The following ROBO1 variants were observed in gnomAD, a reference collection of about 807,000 sequenced individuals.
ROBO1 encodes the protein roundabout homolog 1.
Under a neutral mutation model 195.9 loss-of-function variants are expected in ROBO1, and 149 were observed. The observed-to-expected ratio is 0.76, with a 90% CI of 0.67 to 0.87. The LOEUF is 0.87. Ranked by LOEUF, ROBO1 falls within the 40% of genes least tolerant of loss-of-function variation. The pLI is 0.00. For synonymous variants in ROBO1, 816 were observed against 733.2 expected (o/e 1.11, Z -1.82); for missense variants, 1,933 against 2,068.3 (o/e 0.93, Z 1.27).
At chr3:79,760,008 G>A (rs546708725) in intron 1 of ROBO1, among the ~76,000 whole-genome samples, 2 of 152,070 alleles carry the variant, frequency 1.3e-5, no homozygotes, top group South Asian at 4.2e-4. Flanking sequence ...AGGTTGAGGT[G>A]GGTGGATCAC....
At chr3:78,605,454 C>T (rs1265138528) in intron 29 of ROBO1, among the ~76,000 whole-genome samples, 2 of 152,178 alleles carry the variant, frequency 1.3e-5, no homozygotes, top group Non-Finnish European at 2.9e-5. Context: ...AGTATTCATA[C>T]AACAGAAGTA....
At chr3:79,274,208 T>C (rs2030821212) in intron 2 of ROBO1, among the ~76,000 whole-genome samples, 1 of 151,982 alleles carries the variant, frequency 6.6e-6, no homozygotes, top group Admixed American at 6.6e-5. Context: ...AGCTACAGAA[T>C]ACACATTGAT....
At chr3:79,077,120 G>C (rs972665956) in intron 3 of ROBO1, among the ~76,000 whole-genome samples, 2 of 151,832 alleles carry the variant, frequency 1.3e-5, no homozygotes, top group Admixed American at 6.6e-5. Flanking sequence ...CACTCATGCT[G>C]TACGTGAGAT....
chr3:79,514,548 G>A (rs976442033), intron 2 of ROBO1, among the ~76,000 whole-genome samples: 1 of 151,958 alleles, frequency 6.6e-6, no homozygotes, highest in African/African-American at 2.4e-5. Context: ...AAAATAATCT[G>A]TACTGGTCCT....
At chr3:78,870,182 C>T (rs576408454) in intron 4 of ROBO1, among the ~76,000 whole-genome samples, 5 of 152,248 alleles carry the variant, frequency 3.3e-5, no homozygotes, top group African/African-American at 9.6e-5. Flanking sequence ...AATCTGTATA[C>T]CACCTTTGTC....
intron 1 of ROBO1, among the ~76,000 whole-genome samples, chr3:79,671,728 T>C (rs1946637312): frequency 6.6e-6 from 1 of 151,934 alleles, no homozygotes; most frequent in Non-Finnish European, 1.5e-5. Context: ...ATTTATTGTA[T>C]TGTCGGTATT....
At chr3:79,061,257 A>T (rs1005061026) in intron 3 of ROBO1, among the ~76,000 whole-genome samples, 2 of 152,110 alleles carry the variant, frequency 1.3e-5, no homozygotes, top group African/African-American at 4.8e-5. Context: ...CACAATTACT[A>T]CAAAGAGAAT....
chr3:79,725,325 C>G (rs1471975436), intron 1 of ROBO1, among the ~76,000 whole-genome samples: 12 of 143,352 alleles, frequency 8.4e-5, no homozygotes, highest in African/African-American at 2.8e-4. Flanking sequence ...CTCCCGGGTT[C>G]ACGCCATTCT....
intron 4 of ROBO1, among the ~76,000 whole-genome samples, chr3:78,752,052 T>C (rs2082809558): frequency 6.6e-6 from 1 of 152,020 alleles, no homozygotes; most frequent in South Asian, 2.1e-4. Flanking sequence ...CTAAGGTGTA[T>C]TGGAGGAGAA....
chr3:79,164,389 T>C (rs1305397237), intron 2 of ROBO1, among the ~76,000 whole-genome samples: 1 of 152,170 alleles, frequency 6.6e-6, no homozygotes, highest in Non-Finnish European at 1.5e-5. Context: ...GAGATTCATG[T>C]CATTTGACAA....
At chr3:79,668,343 T>A (rs925819650) in intron 1 of ROBO1, among the ~76,000 whole-genome samples, 2 of 151,574 alleles carry the variant, frequency 1.3e-5, no homozygotes, top group Admixed American at 1.3e-4. Flanking sequence ...CATGGTGTTT[T>A]TTTTTGTTTT....
intron 1 of ROBO1, among the ~76,000 whole-genome samples, chr3:79,752,302 A>G (rs1018690977): frequency 6.6e-6 from 1 of 152,178 alleles, no homozygotes; most frequent in Non-Finnish European, 1.5e-5. Context: ...GCATTACTTT[A>G]TACATTTATT....
intron 2 of ROBO1, among the ~76,000 whole-genome samples, chr3:79,311,326 T>C (rs951601739): frequency 6.6e-6 from 1 of 152,202 alleles, no homozygotes; most frequent in Non-Finnish European, 1.5e-5. Context: ...CAATATTCTA[T>C]ATCATAATAC....
intron 2 of ROBO1, among the ~76,000 whole-genome samples, chr3:79,538,027 G>A (rs576579928): frequency 1.3e-5 from 2 of 152,214 alleles, no homozygotes; most frequent in South Asian, 4.1e-4. Flanking sequence ...ATCCTGGGTC[G>A]TCGATTGGAC....
At chr3:79,108,883 G>T (rs1227482874) in intron 3 of ROBO1, among the ~76,000 whole-genome samples, 1 of 151,888 alleles carries the variant, frequency 6.6e-6, no homozygotes, top group East Asian at 1.9e-4. Flanking sequence ...CATTTGAAAA[G>T]AAATAATGAA....
At chr3:78,634,090 G>A in intron 23 of ROBO1, 48 bp from the exon 24 acceptor site, 2 of 1,266,010 alleles carry the variant, frequency 1.6e-6, no homozygotes, top group Non-Finnish European at 2.3e-6. Context: ...TTCTCTTCAT[G>A]AGCGATTTCA....
chr3:79,695,655 T>C (rs1576243680), intron 1 of ROBO1, among the ~76,000 whole-genome samples: 1 of 151,394 alleles, frequency 6.6e-6, no homozygotes, highest in Non-Finnish European at 1.5e-5. Context: ...ACTATACTCA[T>C]GTGATTTTGA....
intron 3 of ROBO1, among the ~76,000 whole-genome samples, chr3:79,044,955 A>G (rs547300996): frequency 2.6e-5 from 4 of 152,206 alleles, no homozygotes; most frequent in African/African-American, 9.6e-5. Flanking sequence ...ATAATAAATG[A>G]AACAAATTAT....
At chr3:79,203,393 G>A (rs975592549) in intron 2 of ROBO1, among the ~76,000 whole-genome samples, 2 of 152,178 alleles carry the variant, frequency 1.3e-5, no homozygotes, top group Non-Finnish European at 2.9e-5. Flanking sequence ...TCCCAGGATA[G>A]GGTTTATCTC....
Sources: gnomAD v4.1 joint callset for allele counts (sites outside exome capture counted in the v4.1 genomes callset) on GRCh38, gnomAD v4.1.1 for gene constraint, MANE v1.5 for transcripts, NCBI Gene and HGNC (gene_info 2026-07-23, HGNC 2026-07-21) for gene names.